Variants in ZNF385B observed in about 807,000 individuals in gnomAD.
The protein encoded by ZNF385B is zinc finger protein 533.
ZNF385B carries 23 observed loss-of-function variants against 39.2 expected under a neutral mutation model. That is an observed-to-expected ratio of 0.59 (90% CI 0.42 to 0.83). The LOEUF is 0.83. Among genes scored for constraint, ZNF385B ranks in the 40% least tolerant of loss-of-function variants. The pLI, the probability that ZNF385B is intolerant of heterozygous loss-of-function variation, is 0.00. For missense variants in ZNF385B, 552 were observed against 598.9 expected (o/e 0.92, Z 0.82); for synonymous variants, 205 against 222.6 (o/e 0.92, Z 0.70).
intron 3 of ZNF385B, chr2:179,745,655 G>T (rs1276880993): frequency 1.4e-6 from 2 of 1,428,098 alleles, no homozygotes; most frequent in South Asian, 1.4e-5. Context: ...ACATACAAAA[G>T]AATCTGTTAC....
chr2:179,837,307 G>A (rs146597664), intron 1 of ZNF385B, among the ~76,000 whole-genome samples: 20 of 152,262 alleles, frequency 1.3e-4, no homozygotes, highest in African/African-American at 3.9e-4. Context: ...ACTTCATTAC[G>A]ATGTGCTTGG....
chr2:179,778,222 C>A (rs1004986758), intron 1 of ZNF385B, among the ~76,000 whole-genome samples: 20 of 152,196 alleles, frequency 1.3e-4, no homozygotes, highest in African/African-American at 2.7e-4. Context: ...TCTCCATCTG[C>A]CCTGCATGGC....
At chr2:179,665,419 G>A (rs930023322) in intron 3 of ZNF385B, among the ~76,000 whole-genome samples, 1 of 152,132 alleles carries the variant, frequency 6.6e-6, no homozygotes, top group African/African-American at 2.4e-5. Flanking sequence ...TTTTTTTCAA[G>A]GCACTAAATC....
At chr2:179,448,987 T>C (rs911959392) in intron 6 of ZNF385B, among the ~76,000 whole-genome samples, 3 of 152,184 alleles carry the variant, frequency 2.0e-5, no homozygotes, top group South Asian at 4.1e-4. Context: ...TTTCTCTATG[T>C]TCCTATTTCT....
intron 6 of ZNF385B, among the ~76,000 whole-genome samples, chr2:179,463,921 T>C (rs1201385070): frequency 6.6e-6 from 1 of 152,184 alleles, no homozygotes; most frequent in Non-Finnish European, 1.5e-5. Context: ...CCTTGAGGAA[T>C]TGTCACACTG....
At chr2:179,644,875 CCTGT>C (rs66726247) in intron 3 of ZNF385B, among the ~76,000 whole-genome samples, 27,645 of 152,082 alleles carry the variant, frequency 0.18, 3,043 homozygotes, top group South Asian at 0.28. Flanking sequence ...TGTAAAACTT[CCTGT>C]CTTACAGTCC....
chr2:179,762,181 A>G (rs1703436748), intron 3 of ZNF385B, among the ~76,000 whole-genome samples: 1 of 151,074 alleles, frequency 6.6e-6, no homozygotes, highest in African/African-American at 2.4e-5. Flanking sequence ...GATATGGTAG[A>G]TTTTTTTGTT....
At chr2:179,595,619 A>G (rs1398588297) in intron 3 of ZNF385B, among the ~76,000 whole-genome samples, 1 of 149,676 alleles carries the variant, frequency 6.7e-6, no homozygotes, top group Non-Finnish European at 1.5e-5. Context: ...GCCATCCCAG[A>G]TATTCTTTTT....
At chr2:179,543,107 A>G (rs1416916536) in intron 4 of ZNF385B, among the ~76,000 whole-genome samples, 1 of 152,094 alleles carries the variant, frequency 6.6e-6, no homozygotes, top group Non-Finnish European at 1.5e-5. Flanking sequence ...CCCTGTCTCT[A>G]TTAAAAACAC....
intron 3 of ZNF385B, among the ~76,000 whole-genome samples, chr2:179,742,823 C>T (rs917659163): frequency 7.9e-5 from 12 of 151,984 alleles, no homozygotes; most frequent in Admixed American, 2.6e-4. Context: ...TTTGTATCTG[C>T]TATTTTTTGT....
chr2:179,718,899 C>A (rs2106400725), intron 3 of ZNF385B, among the ~76,000 whole-genome samples: 1 of 151,182 alleles, frequency 6.6e-6, no homozygotes, highest in African/African-American at 2.4e-5. Flanking sequence ...AAGCAGACAG[C>A]AGAAGGAGAA....
At chr2:179,468,163 C>T (rs938604163) in intron 6 of ZNF385B, among the ~76,000 whole-genome samples, 5 of 152,208 alleles carry the variant, frequency 3.3e-5, no homozygotes, top group Non-Finnish European at 7.3e-5. Flanking sequence ...ATGGCATCTC[C>T]AACTATCTCC....
intron 3 of ZNF385B, among the ~76,000 whole-genome samples, chr2:179,671,116 G>A (rs1265322919): frequency 6.6e-6 from 1 of 152,208 alleles, no homozygotes; most frequent in Non-Finnish European, 1.5e-5. Context: ...TTGTATCAAA[G>A]TGCCTTCAAG....
chr2:179,540,893 G>A (rs2059880578), intron 4 of ZNF385B, among the ~76,000 whole-genome samples: 1 of 152,196 alleles, frequency 6.6e-6, no homozygotes, highest in Non-Finnish European at 1.5e-5. Flanking sequence ...TGATATCTAA[G>A]TTGAACTTTG....
At chr2:179,785,442 G>A (rs1198487502) in intron 1 of ZNF385B, among the ~76,000 whole-genome samples, 1 of 152,128 alleles carries the variant, frequency 6.6e-6, no homozygotes, top group Non-Finnish European at 1.5e-5. Context: ...GCCATCAATA[G>A]TGAGTCCTCT....
chr2:179,817,391 T>C (rs758625203), intron 1 of ZNF385B, among the ~76,000 whole-genome samples: 20 of 152,214 alleles, frequency 1.3e-4, no homozygotes, highest in Non-Finnish European at 2.2e-4. Context: ...ATGTAATCTC[T>C]CAACTTTCAC....
At chr2:179,533,561 G>A (rs951614102) in intron 4 of ZNF385B, among the ~76,000 whole-genome samples, 1 of 152,108 alleles carries the variant, frequency 6.6e-6, no homozygotes, top group Non-Finnish European at 1.5e-5. Context: ...CAGGTTAAGG[G>A]GGTCCTTTTC....
At chr2:179,761,852 A>T (rs1361859523) in intron 3 of ZNF385B, among the ~76,000 whole-genome samples, 6 of 140,864 alleles carry the variant, frequency 4.3e-5, no homozygotes, top group Admixed American at 7.9e-5. Context: ...CTCTTTTCTC[A>T]GTCTCCCAAA....
At chr2:179,775,874 C>A (rs1054637444) in intron 1 of ZNF385B, among the ~76,000 whole-genome samples, 1 of 152,198 alleles carries the variant, frequency 6.6e-6, no homozygotes, top group Non-Finnish European at 1.5e-5. Context: ...TGCTTCTCTG[C>A]AAATTATCTT....
Sources: allele counts gnomAD v4.1 joint callset (sites outside exome capture counted in the v4.1 genomes callset), GRCh38; gene constraint gnomAD v4.1.1; transcripts MANE v1.5; gene names NCBI Gene and HGNC (gene_info 2026-07-23, HGNC 2026-07-21).